The following NCKAP5 variants were observed in gnomAD, a reference collection of about 807,000 sequenced individuals.
NCKAP5 encodes the protein nck-associated protein 5.
NCKAP5 carries 92 observed loss-of-function variants against 167.0 expected under a neutral mutation model. That is an observed-to-expected ratio of 0.55 (90% CI 0.47 to 0.66). The LOEUF (loss-of-function observed/expected upper bound fraction) is 0.66, where lower values mean the gene tolerates loss of function less well. NCKAP5 is among the 30% of genes least tolerant of loss of function. NCKAP5 has a pLI of 0.00. For synonymous variants in NCKAP5, 891 were observed against 877.4 expected (o/e 1.02, Z -0.27); for missense variants, 2,378 against 2,315.0 (o/e 1.03, Z -0.56).
intron 6 of NCKAP5, among the ~76,000 whole-genome samples, chr2:133,036,710 T>A (rs989058326): frequency 6.6e-6 from 1 of 152,042 alleles, no homozygotes; most frequent in Non-Finnish European, 1.5e-5. Flanking sequence ...ACAGTTAGTA[T>A]CATACTTAAT....
chr2:133,281,888 G>A (rs2089948720), intron 4 of NCKAP5, among the ~76,000 whole-genome samples: 1 of 152,192 alleles, frequency 6.6e-6, no homozygotes, highest in Admixed American at 6.5e-5. Context: ...CAAGAAGAAA[G>A]AGCATGTTGG....
intron 3 of NCKAP5, among the ~76,000 whole-genome samples, chr2:133,340,632 C>A (rs571658434): frequency 6.6e-6 from 1 of 152,084 alleles, no homozygotes; most frequent in Non-Finnish European, 1.5e-5. Context: ...AACAAGTTGA[C>A]AAGCCAAGAA....
chr2:133,336,039 T>C (rs143419201), intron 3 of NCKAP5, among the ~76,000 whole-genome samples: 89 of 152,202 alleles, frequency 5.8e-4, no homozygotes, highest in African/African-American at 2.0e-3. Context: ...GTCTCAAGTA[T>C]CTGAAGTTCC....
At chr2:133,547,815 G>C (rs1356207622) in intron 2 of NCKAP5, among the ~76,000 whole-genome samples, 1 of 148,376 alleles carries the variant, frequency 6.7e-6, no homozygotes, top group Non-Finnish European at 1.5e-5. Flanking sequence ...CTAAAACGCA[G>C]AGCGCCTCTC....
intron 6 of NCKAP5, among the ~76,000 whole-genome samples, chr2:133,121,758 AAC>A (rs1436582475): frequency 1.9e-5 from 2 of 106,666 alleles, no homozygotes; most frequent in Admixed American, 2.0e-4. Context: ...CCAAAAGGTA[AAC>A]ACTCTAAGAC....
chr2:132,685,553 G>A (rs923974991), intron 19 of NCKAP5, among the ~76,000 whole-genome samples: 1 of 152,162 alleles, frequency 6.6e-6, no homozygotes, highest in South Asian at 2.1e-4. Context: ...CTCAAGGTAA[G>A]GAAGCACTGG....
At chr2:132,868,747 A>AT (rs1274259516) in intron 10 of NCKAP5, among the ~76,000 whole-genome samples, 189 bp downstream of exon 10, 1 of 152,142 alleles carries the variant, frequency 6.6e-6, no homozygotes, top group Non-Finnish European at 1.5e-5. Flanking sequence ...GAAAGTTTGG[A>AT]TTTTTTATTA....
At chr2:133,180,367 C>T (rs924579698) in intron 5 of NCKAP5, among the ~76,000 whole-genome samples, 3 of 151,922 alleles carry the variant, frequency 2.0e-5, no homozygotes, top group East Asian at 3.9e-4. Flanking sequence ...CAGGGTCTCA[C>T]TGTGTTGTTC....
intron 2 of NCKAP5, among the ~76,000 whole-genome samples, chr2:133,524,891 G>A (rs1684741026): frequency 2.0e-5 from 3 of 152,082 alleles, no homozygotes; most frequent in South Asian, 4.1e-4. Flanking sequence ...ATGTGTATGT[G>A]TGTATGTGTT....
At chr2:133,592,688 A>G in the NCKAP5 span, among the ~76,000 whole-genome samples, 2 of 152,244 alleles carry the variant, frequency 1.3e-5, no homozygotes, top group Non-Finnish European at 2.9e-5. Context: ...ATTTTATAAA[A>G]GGCATCTTTG....
intron 4 of NCKAP5, among the ~76,000 whole-genome samples, chr2:133,294,072 T>C (rs1307318221): frequency 6.6e-6 from 1 of 152,202 alleles, no homozygotes; most frequent in Non-Finnish European, 1.5e-5. Context: ...AGAGCTTTTA[T>C]TGCTATTACA....
the NCKAP5 span, among the ~76,000 whole-genome samples, chr2:133,582,603 A>G: frequency 6.6e-6 from 1 of 152,226 alleles, no homozygotes; most frequent in Admixed American, 6.5e-5. Context: ...GCAGACATCC[A>G]AATGCATCAA....
the NCKAP5 span, among the ~76,000 whole-genome samples, chr2:133,648,896 A>T: frequency 1.3e-5 from 2 of 151,810 alleles, no homozygotes; most frequent in Non-Finnish European, 2.9e-5. Context: ...AGTAACAAAG[A>T]TGAGAGCAAA....
intron 6 of NCKAP5, among the ~76,000 whole-genome samples, chr2:133,092,691 C>T (rs1006164246): frequency 1.3e-5 from 2 of 152,148 alleles, no homozygotes; most frequent in African/African-American, 4.8e-5. Flanking sequence ...AACTTATCTA[C>T]TGTCCTTCAT....
chr2:133,299,338 C>A (rs1680190887), intron 4 of NCKAP5, among the ~76,000 whole-genome samples: 1 of 152,102 alleles, frequency 6.6e-6, no homozygotes, highest in Non-Finnish European at 1.5e-5. Flanking sequence ...TGGTGAGGAG[C>A]CCCATGGTGA....
At chr2:132,915,565 C>G (rs1013154753) in intron 8 of NCKAP5, 3 of 152,132 alleles carry the variant, frequency 2.0e-5, no homozygotes, top group African/African-American at 7.2e-5. Flanking sequence ...AGAATACAGC[C>G]CACTGGTTGG....
intron 16 of NCKAP5, among the ~76,000 whole-genome samples, chr2:132,767,049 A>G (rs568667641): frequency 6.6e-6 from 1 of 152,136 alleles, no homozygotes; most frequent in African/African-American, 2.4e-5. Flanking sequence ...CTTTGTCTCA[A>G]TTCCTAGCCT....
intron 4 of NCKAP5, among the ~76,000 whole-genome samples, chr2:133,215,620 G>T (rs560288546): frequency 6.6e-6 from 1 of 152,034 alleles, no homozygotes; most frequent in African/African-American, 2.4e-5. Context: ...GTTACATGAT[G>T]GAATACTATA....
chr2:132,883,937 GAACCAGA>G (rs1691999453), intron 8 of NCKAP5, among the ~76,000 whole-genome samples: 1 of 152,176 alleles, frequency 6.6e-6, no homozygotes, highest in Non-Finnish European at 1.5e-5. Flanking sequence ...AGAAATGATT[GAACCAGA>G]ATAGGGCACA....
Sources: allele counts gnomAD v4.1 joint callset (sites outside exome capture counted in the v4.1 genomes callset), GRCh38; gene constraint gnomAD v4.1.1; transcripts MANE v1.5; gene names NCBI Gene and HGNC (gene_info 2026-07-23, HGNC 2026-07-21).